The following FIBCD1 variants were observed in gnomAD, a reference collection of about 807,000 sequenced individuals.
FIBCD1 encodes fibrinogen C domain-containing protein 1.
Under a neutral mutation model 45.1 loss-of-function variants are expected in FIBCD1, and 47 were observed. That is an observed-to-expected ratio of 1.04 (90% CI 0.82 to 1.33). FIBCD1 has a LOEUF of 1.33. Among genes scored for constraint, FIBCD1 ranks in the 40% most tolerant of loss-of-function variants. The pLI, the probability that FIBCD1 is intolerant of heterozygous loss-of-function variation, is 0.00. For synonymous variants in FIBCD1, 313 were observed against 308.1 expected, an observed-to-expected ratio of 1.02 and a Z score of -0.17; for missense variants, 653 against 682.2, an observed-to-expected ratio of 0.96 and a Z score of 0.48.
chr9:130,917,011 T>C (rs1291615813), intron 4 of FIBCD1, among the ~76,000 whole-genome samples: 1 of 152,126 alleles, frequency 6.6e-6, no homozygotes, highest in Non-Finnish European at 1.5e-5. Context: ...GGCAGGAGAA[T>C]CACTTGAACC....
At chr9:130,914,603 C>A (rs1396419752) in intron 4 of FIBCD1, among the ~76,000 whole-genome samples, 1 of 152,226 alleles carries the variant, frequency 6.6e-6, no homozygotes, top group Non-Finnish European at 1.5e-5. Context: ...AGCTGATGTA[C>A]AGGTGCCCAG....
chr9:130,905,523 C>T, intron 5 of FIBCD1, 110 bp from the exon 6 acceptor site: 2 of 1,180,746 alleles, frequency 1.7e-6, no homozygotes, highest in Non-Finnish European at 2.4e-6. Flanking sequence ...CAGAAAGGGA[C>T]AACCACCAAG....
Position 130,915,150 on chromosome 9 carries a change from G to A in FIBCD1, c.850-3262C>T, listed in dbSNP as rs765481771. On this transcript the variant is annotated intron_variant, in intron 4 of 6. Coordinates refer to ENST00000372338, the MANE Select transcript of FIBCD1 (RefSeq NM_032843.5). ...CTGACCAGGATGGCTGTAGCCTTGA[G>A]TGTGCCCCTCTACCCAGGCTTCTGG... Among the ~76,000 whole-genome samples the A allele has an allele frequency of 2.8e-4, 43 of 152,228 alleles. 1 individual carries two copies. The highest frequency in any genetic ancestry group is 4.9e-4 in the Non-Finnish European group (33 of 68,038).
At position 130,924,317 on chromosome 9, in the gene FIBCD1, CG is replaced by C; in HGVS notation, c.631del (p.Arg211GlyfsTer39). The C allele has an allele frequency of 6.2e-7, 1 of 1,606,428 alleles. No homozygotes were observed. Among genetic ancestry groups the C allele is most frequent in the South Asian group, 1.1e-5 (1 of 89,286 alleles). On this transcript the variant is annotated frameshift_variant, in exon 3 of 7. Transcript: ENST00000372338. LOFTEE classifies it high-confidence loss of function. ...SDILDALQRD[R>X]GLGRPRNKAD... is the part of the protein sequence containing the mutation. ...CTTGTTGCGGGGCCGGCCCAGCCCCCGGTCCCTCTGCAGGGCATCCAGGATG... is the reference window on the plus strand; with the variant it reads ...CTTGTTGCGGGGCCGGCCCAGCCCCCGTCCCTCTGCAGGGCATCCAGGATG...
At chr9:130,932,142 G>A (rs1832453867) in intron 1 of FIBCD1, among the ~76,000 whole-genome samples, 1 of 152,204 alleles carries the variant, frequency 6.6e-6, no homozygotes, top group African/African-American at 2.4e-5. Flanking sequence ...TGCTTTCTTA[G>A]TGATACATTG....
chr9:130,937,230 T>A (rs1832531793), intron 1 of FIBCD1, among the ~76,000 whole-genome samples: 1 of 151,878 alleles, frequency 6.6e-6, no homozygotes, highest in African/African-American at 2.4e-5. Context: ...TATTTTGGGG[T>A]GGCTTAGGTG....
At chr9:130,909,149 G>A (rs1434831505) in intron 5 of FIBCD1, among the ~76,000 whole-genome samples, 1 of 151,976 alleles carries the variant, frequency 6.6e-6, no homozygotes, top group Non-Finnish European at 1.5e-5. Flanking sequence ...TTCCTCAGAT[G>A]TCCACACCCT....
intron 4 of FIBCD1, among the ~76,000 whole-genome samples, chr9:130,916,547 G>C (rs550594226): frequency 3.9e-5 from 6 of 152,372 alleles, no homozygotes; most frequent in African/African-American, 1.2e-4. Flanking sequence ...CCAGCTTCCC[G>C]TGTGGGGGAA....
At chr9:130,910,518 C>G (rs535853526) in intron 5 of FIBCD1, among the ~76,000 whole-genome samples, 2 of 152,242 alleles carry the variant, frequency 1.3e-5, no homozygotes, top group East Asian at 3.9e-4. Context: ...GCACACGGCG[C>G]GGGACTGGCA....
At chr9:130,936,838 G>A (rs1306881604) in intron 1 of FIBCD1, among the ~76,000 whole-genome samples, 1 of 152,202 alleles carries the variant, frequency 6.6e-6, no homozygotes, top group Admixed American at 6.5e-5. Flanking sequence ...CCCAGGACAA[G>A]GCAGCTGAGT....
At chr9:130,911,215 A>C (rs1368862367) in intron 5 of FIBCD1, among the ~76,000 whole-genome samples, 1 of 152,210 alleles carries the variant, frequency 6.6e-6, no homozygotes, top group Non-Finnish European at 1.5e-5. Context: ...AACCCACCAG[A>C]AGGAAGAAAC....
At chr9:130,923,116 A>G (rs1425148699) in intron 4 of FIBCD1, among the ~76,000 whole-genome samples, 2 of 152,210 alleles carry the variant, frequency 1.3e-5, no homozygotes, top group African/African-American at 4.8e-5. Flanking sequence ...GAAGCTGAGA[A>G]GCCTTAAAGA....
At chr9:130,930,572 C>T (rs1284367889) in intron 1 of FIBCD1, among the ~76,000 whole-genome samples, 2 of 152,104 alleles carry the variant, frequency 1.3e-5, no homozygotes, top group African/African-American at 2.4e-5. Context: ...GCTGCCCCTG[C>T]CACCCACCTC....
At position 130,902,845 on chromosome 9, in the gene FIBCD1, A is replaced by C. The variant is rs997022078; in HGVS notation, c.*1219T>G. On this transcript the variant is annotated 3_prime_UTR_variant, in exon 7 of 7. Transcript: ENST00000372338. The stretch of plus-strand genomic sequence containing the variant: ...GGGAGCCTGCGGGTCTCACCTCTGC[A>C]TGTGTGCACACAAGGAGTGGGGATG... The C allele has an allele frequency of 3.3e-5, 5 of 152,344 alleles. No individual in the cohort carries two copies. The highest frequency in any genetic ancestry group is 5.9e-5 in the Non-Finnish European group (4 of 68,178). The allele number at this position is 152,344 out of a possible 1,614,324, so 9.4% of individuals were successfully genotyped here.
intron 2 of FIBCD1, among the ~76,000 whole-genome samples, chr9:130,925,357 CG>C (rs1832341322): frequency 6.6e-6 from 1 of 152,082 alleles, no homozygotes; most frequent in Non-Finnish European, 1.5e-5. Context: ...GAAAGGGGCC[CG>C]GGGCTGTGTT....
intron 4 of FIBCD1, among the ~76,000 whole-genome samples, chr9:130,912,782 C>T (rs1288352425): frequency 1.3e-5 from 2 of 150,518 alleles, no homozygotes; most frequent in Admixed American, 6.6e-5. Flanking sequence ...CTCTGGGCTT[C>T]GGTTTCCCCA....
intron 2 of FIBCD1, among the ~76,000 whole-genome samples, chr9:130,925,470 A>C (rs922285158): frequency 6.6e-6 from 1 of 152,118 alleles, no homozygotes; most frequent in Non-Finnish European, 1.5e-5. Flanking sequence ...TCCCCCGTTC[A>C]CTAGCTGCGT....
intron 5 of FIBCD1, among the ~76,000 whole-genome samples, chr9:130,909,452 G>C (rs549799864): frequency 1.3e-5 from 2 of 152,182 alleles, no homozygotes; most frequent in Non-Finnish European, 2.9e-5. Context: ...GACTGCTCCC[G>C]GGGGTACAGG....
At chr9:130,911,072 C>CA (rs892635427) in intron 5 of FIBCD1, among the ~76,000 whole-genome samples, 12 of 152,286 alleles carry the variant, frequency 7.9e-5, no homozygotes, top group Admixed American at 7.8e-4. Flanking sequence ...CAGCCAGCCT[C>CA]GGCAACCCGC....
Sources: gnomAD v4.1 joint callset for allele counts (sites outside exome capture counted in the v4.1 genomes callset) on GRCh38, gnomAD v4.1.1 for gene constraint, MANE v1.5 for transcripts, NCBI Gene and HGNC (gene_info 2026-07-23, HGNC 2026-07-21) for gene names.